The following KMT2C variants were observed in gnomAD, a reference collection of about 807,000 sequenced individuals.
KMT2C encodes the protein lysine methyltransferase 2C.
KMT2C carries 88 observed loss-of-function variants against 507.9 expected under a neutral mutation model. The ratio of observed to expected loss-of-function variants is 0.17; its 90% CI spans 0.15 to 0.21. The LOEUF (loss-of-function observed/expected upper bound fraction) is 0.21. KMT2C is among the 10% of genes least tolerant of loss of function. The probability of loss-of-function intolerance (pLI) is 1.00; values close to 1 mark genes in which losing one functional copy is unlikely to be tolerated. For synonymous variants in KMT2C, 2,049 were observed against 2,080.8 expected (o/e 0.98, Z 0.42); for missense variants, 4,954 against 5,957.8 (o/e 0.83, Z 5.55).
chr7:152,137,334 ACT>A (rs144145655), intron 58 of KMT2C: 1,814 of 173,846 alleles, frequency 0.01, 40 homozygotes, highest in African/African-American at 0.041. Flanking sequence ...CTGCCAGCTA[ACT>A]CTGTTTTCCC....
At chr7:152,411,318 CAAT>C (rs893825497) in intron 1 of KMT2C, among the ~76,000 whole-genome samples, 47 of 152,276 alleles carry the variant, frequency 3.1e-4, no homozygotes, top group African/African-American at 9.4e-4. Flanking sequence ...CATCCTGCAA[CAAT>C]GTTTTCAGTA....
At chr7:152,183,520 G>A (rs551699154) in intron 34 of KMT2C, among the ~76,000 whole-genome samples, 5 of 152,114 alleles carry the variant, frequency 3.3e-5, no homozygotes, top group South Asian at 2.1e-4. Flanking sequence ...CCAGCACTTC[G>A]GGAGGCCAAG....
intron 56 of KMT2C, 142 bp downstream of exon 56, chr7:152,139,533 C>T: frequency 1.5e-6 from 1 of 648,642 alleles, no homozygotes; most frequent in Non-Finnish European, 2.8e-6. Context: ...GATAAAAATA[C>T]ACTAATATAC....
chr7:152,177,416 G>A lies in KMT2C; in HGVS notation c.8037C>T (p.Thr2679=), dbSNP rs2093252634. ...ETTSDNLQIT[T]QPSDGLEEKL... ...TTTCCTCTAGACCATCAGAAGGCTG[G>A]GTGGTTATCTGTAAATTATCAGACG... The change falls in exon 38 of 59, where the codon ACC becomes ACT. Residue 2679 remains threonine, a synonymous_variant. Transcript: ENST00000262189. 6.2e-7 allele frequency: 1 copy of A among 1,614,162 alleles called. No homozygotes were observed. The highest frequency in any genetic ancestry group is 1.3e-5 in the African/African-American group (1 of 75,050).
At chr7:152,276,562 G>A (rs1228916087) in intron 6 of KMT2C, among the ~76,000 whole-genome samples, 1 of 152,036 alleles carries the variant, frequency 6.6e-6, no homozygotes, top group African/African-American at 2.4e-5. Flanking sequence ...AAACCAGCCT[G>A]GGCAACATGG....
At chr7:152,317,939 A>G (rs1367731249) in intron 3 of KMT2C, among the ~76,000 whole-genome samples, 1 of 151,966 alleles carries the variant, frequency 6.6e-6, no homozygotes. Flanking sequence ...GGAGTTCGAG[A>G]CCAGCCCAGC....
intron 14 of KMT2C, among the ~76,000 whole-genome samples, chr7:152,245,839 A>C (rs1230895674): frequency 6.6e-6 from 1 of 152,212 alleles, no homozygotes; most frequent in Non-Finnish European, 1.5e-5. Flanking sequence ...AGAATTGGTA[A>C]TGTTCAACAA....
At chr7:152,245,194 C>A (rs1401293486) in intron 14 of KMT2C, among the ~76,000 whole-genome samples, 45 of 152,168 alleles carry the variant, frequency 3.0e-4, no homozygotes, top group African/African-American at 1.1e-3. Context: ...TACTTCAGTC[C>A]TTAAAAATTG....
At position 152,368,156 on chromosome 7, in the gene KMT2C, G is replaced by C. The variant is rs1246707085; in HGVS notation, c.162-9481C>G. ...AGGGTCAAAGGAAGGCAGTATCCTT[G>C]GGGTGCTGCTGAAGTTGAAAATGGT... On this transcript the variant is annotated intron_variant, in intron 1 of 58. Transcript: ENST00000262189. The C allele has an allele frequency of 3.3e-6, 3 of 919,956 alleles. No individual in the cohort carries two copies. In the African/African-American group the frequency reaches 4.9e-5, roughly 15 times the overall value. 57.0% of individuals were successfully genotyped at this position (919,956 alleles called of 1,614,324 possible). A position where few individuals can be genotyped will look rare whatever the true frequency, so the allele number is the denominator to read the frequency against.
rs1007064879 is a variant in KMT2C at position 152,182,148 on chromosome 7, G to C, written c.5712C>G (p.Thr1904=). 21 of 1,614,138 alleles carry C rather than the reference G, an allele frequency of 1.3e-5. No individual in the cohort carries two copies. Among genetic ancestry groups the C allele is most frequent in the Non-Finnish European group, 1.8e-5 (21 of 1,180,036 alleles). The change falls in exon 36 of 59, where the codon ACC becomes ACG. Residue 1904 remains threonine (T), a synonymous_variant. Transcript: ENST00000262189. ...PMDPYAKMVG[T]PRPPPVGHSF... ...TATGGCCCACAGGAGGTGGTCGAGG[G>C]GTACCAACCATTTTTGCATATGGAT...
At chr7:152,345,947 A>G (rs2097054367) in intron 2 of KMT2C, among the ~76,000 whole-genome samples, 2 of 152,250 alleles carry the variant, frequency 1.3e-5, no homozygotes, top group Admixed American at 1.3e-4. Context: ...CCAGGCTAAA[A>G]ATAATCAAAA....
intron 5 of KMT2C, among the ~76,000 whole-genome samples, chr7:152,311,100 T>C (rs2096667583): frequency 6.6e-6 from 1 of 151,352 alleles, no homozygotes; most frequent in African/African-American, 2.4e-5. Context: ...AGTCATTTTA[T>C]TTAAATATTA....
At position 152,181,394 on chromosome 7, in the gene KMT2C, T is replaced by C; in HGVS notation, c.6466A>G (p.Thr2156Ala). 1 of 1,613,998 alleles carries C rather than the reference T, an allele frequency of 6.2e-7. No homozygotes were observed. Among genetic ancestry groups the C allele is most frequent in the South Asian group, 1.1e-5 (1 of 91,068 alleles). The part of the protein sequence containing the change: ...SQSSGTARSN[T>A]DPYSQPPGTP... ...CCAGGAGGTTGAGAGTAAGGGTCTG[T>C]ATTGGACCTAGCTGTTCCTGAAGAT... Residue 2156 changes from threonine to alanine, a missense_variant, in exon 36 of 59, where the codon ACA becomes GCA. Coordinates refer to ENST00000262189, the MANE Select transcript of KMT2C (RefSeq NM_170606.3).
At chr7:152,169,562 T>C (rs1371420460) in intron 40 of KMT2C, among the ~76,000 whole-genome samples, 1 of 152,176 alleles carries the variant, frequency 6.6e-6, no homozygotes, top group Non-Finnish European at 1.5e-5. Context: ...AAGCGAGAGA[T>C]CTATATAAAA....
rs530550577 is a variant in KMT2C, at chr7:152,230,599, A to G, written c.2770-278T>C. Among the ~76,000 whole-genome samples the G allele has an allele frequency of 9.8e-5, 15 of 152,360 alleles. No individual in the cohort carries two copies. The South Asian group carries it at 1.2e-3, about 13-fold the overall frequency. On this transcript the variant is annotated intron_variant, in intron 16 of 58. Transcript: ENST00000262189. ...GTAAGACTTGATTATGCAGAATTCT[A>G]ATCAGGAAACTATAAATGATAATAT...
At chr7:152,413,009 T>G (rs1187353510) in intron 1 of KMT2C, among the ~76,000 whole-genome samples, 1 of 152,198 alleles carries the variant, frequency 6.6e-6, no homozygotes, top group Non-Finnish European at 1.5e-5. Context: ...ACAAGGCAGT[T>G]GACTGTACAG....
intron 1 of KMT2C, among the ~76,000 whole-genome samples, chr7:152,400,801 T>G (rs1329881300): frequency 7.8e-6 from 1 of 127,540 alleles, no homozygotes; most frequent in African/African-American, 3.0e-5. Flanking sequence ...GCAAAAAGAG[T>G]AAGGAAAAGT....
chr7:152,383,876 T>C (rs2360216), intron 1 of KMT2C, among the ~76,000 whole-genome samples: 4 of 148,368 alleles, frequency 2.7e-5, no homozygotes, highest in African/African-American at 1.0e-4. Context: ...TCATTACTCC[T>C]ATTACTATGA....
chr7:152,152,588 G>A, intron 49 of KMT2C, 117 bp downstream of exon 49: 1 of 1,247,354 alleles, frequency 8.0e-7, no homozygotes, highest in East Asian at 2.3e-5. Flanking sequence ...GTTCACCAAG[G>A]ACTATACGCC....
Sources: allele counts gnomAD v4.1 joint callset (sites outside exome capture counted in the v4.1 genomes callset), GRCh38; gene constraint gnomAD v4.1.1; transcripts MANE v1.5; gene names NCBI Gene and HGNC (gene_info 2026-07-23, HGNC 2026-07-21).